Variants in SYT2 observed in about 807,000 individuals in gnomAD.
SYT2 encodes synaptotagmin 2.
A neutral mutation model predicts 39.9 loss-of-function variants in SYT2; 15 were observed. The observed-to-expected ratio is 0.38, with a 90% confidence interval of 0.25 to 0.58. The LOEUF (loss-of-function observed/expected upper bound fraction) is 0.58, where lower values mean the gene tolerates loss of function less well. Among genes scored for constraint, SYT2 ranks in the 20% least tolerant of loss-of-function variants. The probability of loss-of-function intolerance (pLI) is 0.70; values close to 1 mark genes in which losing one functional copy is unlikely to be tolerated. For synonymous variants in SYT2, 181 were observed against 204.5 expected, an observed-to-expected ratio of 0.89 and a Z score of 0.98; for missense variants, 389 against 530.3, an observed-to-expected ratio of 0.73 and a Z score of 2.62.
At chr1:202,699,010 CTT>C (rs5780118) in intron 1 of SYT2, among the ~76,000 whole-genome samples, 39 of 97,938 alleles carry the variant, frequency 4.0e-4, no homozygotes, top group East Asian at 1.7e-3. Context: ...ACCAAACTGT[CTT>C]TTTTTTTTTT....
chr1:202,652,645 G>T (rs1241983609), intron 1 of SYT2, among the ~76,000 whole-genome samples: 1 of 152,166 alleles, frequency 6.6e-6, no homozygotes, highest in Non-Finnish European at 1.5e-5. Context: ...AAGGTGCCCA[G>T]CCCCATCTCC....
intron 1 of SYT2, among the ~76,000 whole-genome samples, chr1:202,626,425 T>TTTTTTTG (rs1691415384): frequency 6.8e-6 from 1 of 146,824 alleles, no homozygotes; most frequent in African/African-American, 2.5e-5. Flanking sequence ...TTTTTTTTTT[T>TTTTTTTG]TGAGACAGGG....
At position 202,596,296 on chromosome 1, in the gene SYT2, C is replaced by CACACACACAT. The variant is rs1553333830; in HGVS notation, c.*460_*461insATGTGTGTGT. 0.048 allele frequency: 3,408 copies of CACACACACAT among 71,388 alleles called. 24 individuals are homozygous for CACACACACAT. The highest frequency in any genetic ancestry group is 0.062 in the Non-Finnish European group (2,254 of 36,514). The allele number at this position is 71,388 out of a possible 1,614,324, so 4.4% of individuals were successfully genotyped here. ...ACACACACACACACACACACACACA[C>CACACACACAT]ACACACACACATACACACACACACA... On this transcript the variant is annotated 3_prime_UTR_variant, in exon 9 of 9. Coordinates refer to ENST00000367268, the MANE Select transcript of SYT2 (RefSeq NM_177402.5).
chr1:202,664,580 T>C (rs942282547), intron 1 of SYT2, among the ~76,000 whole-genome samples: 2 of 152,200 alleles, frequency 1.3e-5, no homozygotes, highest in Non-Finnish European at 2.9e-5. Context: ...ATTTGGTTCA[T>C]TGTCAAGTTT....
At chr1:202,662,850 A>G (rs1340835265) in intron 1 of SYT2, among the ~76,000 whole-genome samples, 1 of 152,218 alleles carries the variant, frequency 6.6e-6, no homozygotes, top group Non-Finnish European at 1.5e-5. Context: ...AGGATTAAAA[A>G]TAATGTGTAC....
intron 1 of SYT2, among the ~76,000 whole-genome samples, chr1:202,629,035 C>A (rs1000442589): frequency 6.6e-6 from 1 of 152,250 alleles, no homozygotes; most frequent in African/African-American, 2.4e-5. Flanking sequence ...TGGCCGGTTC[C>A]TGAGCCAGGC....
At position 202,599,525 on chromosome 1, in the gene SYT2, C is replaced by T. The variant is rs1052307831; in HGVS notation, c.920-174G>A. Among the ~76,000 whole-genome samples, 3 of 152,160 alleles carry T rather than the reference C, an allele frequency of 2.0e-5. No homozygotes were observed. Among genetic ancestry groups the T allele is most frequent in the Non-Finnish European group, 4.4e-5 (3 of 68,030 alleles). ...CCAGTTCAAAGGTGGCAAAAGGCTT[C>T]ACCTCCAGGACCAACTGTGACCAGT... On this transcript the variant is annotated intron_variant, in intron 7 of 8. Transcript: ENST00000367268. The surrounding 1 kb of genome is among the most constrained non-coding windows in gnomAD (Gnocchi z 4.4).
intron 1 of SYT2, among the ~76,000 whole-genome samples, chr1:202,669,756 T>C (rs1692554383): frequency 7.4e-6 from 1 of 134,424 alleles, no homozygotes; most frequent in South Asian, 2.3e-4. Flanking sequence ...AGACCCTGTC[T>C]CAAAAAAAAA....
chr1:202,606,847 T>G (rs1690723925), intron 1 of SYT2, among the ~76,000 whole-genome samples: 1 of 152,122 alleles, frequency 6.6e-6, no homozygotes, highest in Non-Finnish European at 1.5e-5. Context: ...ATGCTGGTAT[T>G]TTTTCTGAGT....
At chr1:202,668,112 A>T (rs1474933194) in intron 1 of SYT2, among the ~76,000 whole-genome samples, 1 of 152,250 alleles carries the variant, frequency 6.6e-6, no homozygotes, top group Non-Finnish European at 1.5e-5. Context: ...TGGGAACAGA[A>T]TAGAGGCAGA....
chr1:202,669,568 G>A lies in SYT2; in HGVS notation c.-18+40690C>T, dbSNP rs147179208. Among the ~76,000 whole-genome samples, 521 of 151,878 alleles carry A rather than the reference G, an allele frequency of 3.4e-3. 1 individual carries two copies. Among genetic ancestry groups the A allele is most frequent in the African/African-American group, 0.012 (503 of 41,386 alleles). ...AGATCACACCATTGCACTCCAGCCC[G>A]GGTGACGGTGCAAGACTGCATCTCA... On this transcript the variant is annotated intron_variant, in intron 1 of 8. Transcript: ENST00000367268.
intron 1 of SYT2, among the ~76,000 whole-genome samples, chr1:202,702,680 G>A (rs1180176267): frequency 6.6e-6 from 1 of 152,168 alleles, no homozygotes; most frequent in African/African-American, 2.4e-5. Context: ...CCTGCTTGCA[G>A]GCCTCCACCC....
At chr1:202,598,680 T>C (rs1221059478) in intron 8 of SYT2, among the ~76,000 whole-genome samples, 2 of 152,340 alleles carry the variant, frequency 1.3e-5, no homozygotes, top group Non-Finnish European at 2.9e-5. Context: ...ATCCCACTCA[T>C]ACCTGGAAAT....
At chr1:202,668,710 G>A (rs547879822) in intron 1 of SYT2, among the ~76,000 whole-genome samples, 1 of 152,324 alleles carries the variant, frequency 6.6e-6, no homozygotes, top group Non-Finnish European at 1.5e-5. Flanking sequence ...ATAAAAGCAG[G>A]TAACTTGCAT....
chr1:202,645,669 T>A (rs1692065428), intron 1 of SYT2, among the ~76,000 whole-genome samples: 1 of 152,234 alleles, frequency 6.6e-6, no homozygotes, highest in Admixed American at 6.5e-5. Flanking sequence ...TCTGTAAGGT[T>A]ATGTCTGCTC....
At chr1:202,616,938 G>A (rs888206916) in intron 1 of SYT2, among the ~76,000 whole-genome samples, 14 of 152,150 alleles carry the variant, frequency 9.2e-5, no homozygotes, top group African/African-American at 3.4e-4. Flanking sequence ...CCTCTTGCTC[G>A]CCTCCAGTCA....
intron 1 of SYT2, among the ~76,000 whole-genome samples, chr1:202,704,753 G>A (rs1046603642): frequency 6.6e-6 from 1 of 152,004 alleles, no homozygotes; most frequent in Non-Finnish European, 1.5e-5. Context: ...TGGTGCTGAT[G>A]ACATCAGCAT....
chr1:202,633,193 C>T (rs56262716), intron 1 of SYT2, among the ~76,000 whole-genome samples: 11,567 of 152,164 alleles, frequency 0.076, 737 homozygotes, highest in East Asian at 0.32. Context: ...AGCTCAAATA[C>T]TGATCCCTAT....
At chr1:202,689,793 G>A (rs1653771764) in intron 1 of SYT2, among the ~76,000 whole-genome samples, 1 of 151,938 alleles carries the variant, frequency 6.6e-6, no homozygotes, top group African/African-American at 2.4e-5. Flanking sequence ...CCAACATTCT[G>A]AATGTTGGGC....
Sources: gnomAD v4.1 joint callset for allele counts (sites outside exome capture counted in the v4.1 genomes callset) on GRCh38, gnomAD v4.1.1 for gene constraint, Gnocchi (gnomAD v3.1) non-coding constraint, MANE v1.5 for transcripts, NCBI Gene and HGNC (gene_info 2026-07-23, HGNC 2026-07-21) for gene names.